The following PRDX6 variants were observed in gnomAD, a reference collection of about 807,000 sequenced individuals.
The protein encoded by PRDX6 is peroxiredoxin-6.
Under a neutral mutation model 20.0 loss-of-function variants are expected in PRDX6, and 13 were observed. The ratio of observed to expected loss-of-function variants is 0.65; its 90% CI spans 0.42 to 1.03. The LOEUF (loss-of-function observed/expected upper bound fraction) is 1.03, where lower values mean the gene tolerates loss of function less well. Ranked by LOEUF, PRDX6 falls within the 50% of genes least tolerant of loss-of-function variation. The probability of loss-of-function intolerance (pLI) is 0.00; values close to 1 mark genes in which losing one functional copy is unlikely to be tolerated. For synonymous variants in PRDX6, 85 were observed against 100.8 expected (o/e 0.84, Z 0.94); for missense variants, 203 against 276.9 (o/e 0.73, Z 1.89).
At chr1:173,485,545 G>A (rs1487423184) in intron 3 of PRDX6, 38 bp downstream of exon 3, 1 of 1,529,318 alleles carries the variant, frequency 6.5e-7, no homozygotes, top group Admixed American at 1.9e-5. Flanking sequence ...TAGCTTAACT[G>A]ATCAGGCTGT....
At position 173,483,695 on chromosome 1, in the gene PRDX6, T is replaced by C. The variant is rs543389010; in HGVS notation, c.253-1666T>C. On this transcript the variant is annotated intron_variant, in intron 2 of 4. Transcript: ENST00000340385. ...GTTTTACTTTCAAGCCTACACACAA[T>C]AGACGTTATTCCAATTTTAAATCCT... Among the ~76,000 whole-genome samples the C allele has an allele frequency of 4.6e-5, 7 of 152,348 alleles. No individual in the cohort carries two copies. In the East Asian group the frequency reaches 1.3e-3, roughly 29 times the overall value.
chr1:173,481,077 T>G (rs1244223347), intron 1 of PRDX6: 1 of 451,496 alleles, frequency 2.2e-6, no homozygotes, highest in Non-Finnish European at 4.0e-6. Flanking sequence ...ACCTTAACAT[T>G]AGTCTTTTTA....
At chr1:173,478,917 T>A (rs1231106151) in intron 1 of PRDX6, among the ~76,000 whole-genome samples, 2 of 152,320 alleles carry the variant, frequency 1.3e-5, no homozygotes, top group East Asian at 3.9e-4. Context: ...GAAAAATACT[T>A]TAGAAATACA....
intron 4 of PRDX6, 27 bp downstream of exon 4, chr1:173,486,428 C>G (rs780114933): frequency 6.3e-7 from 1 of 1,588,660 alleles, no homozygotes; most frequent in South Asian, 1.2e-5. Context: ...AAAGCAGTTT[C>G]TCTACTTGCC....
chr1:173,484,177 T>TATATATTTATATATATAC, intron 2 of PRDX6, among the ~76,000 whole-genome samples: 1 of 103,934 alleles, frequency 9.6e-6, no homozygotes, highest in East Asian at 3.2e-4. Flanking sequence ...TTTATATATA[T>TATATATTTATATATATAC]ACACACACAC....
At chr1:173,478,625 C>T (rs1018540647) in intron 1 of PRDX6, among the ~76,000 whole-genome samples, 5 of 152,032 alleles carry the variant, frequency 3.3e-5, no homozygotes, top group African/African-American at 4.8e-5. Flanking sequence ...ACTAGTGGTC[C>T]CACTACACTG....
At chr1:173,485,592 A>AG (rs1658882825) in intron 3 of PRDX6, 85 bp downstream of exon 3, 2 of 1,227,596 alleles carry the variant, frequency 1.6e-6, no homozygotes, top group African/African-American at 3.1e-5. Context: ...TAGAGGAGAT[A>AG]GGGGAATATC....
chr1:173,487,761 A>G lies in PRDX6; in HGVS notation c.573A>G (p.Pro191=), dbSNP rs371561495. 1.4e-4 allele frequency: 227 copies of G among 1,614,002 alleles called. No individual in the cohort carries two copies. The highest frequency in any genetic ancestry group is 1.8e-4 in the Non-Finnish European group (217 of 1,179,962). ...ATGGGGATAGTGTGATGGTCCTTCC[A>G]ACCATCCCTGAAGAAGAAGCCAAAA... is the stretch of plus-strand genomic sequence containing the variant. The part of the protein sequence containing the change: ...WKDGDSVMVL[P]TIPEEEAKKL... Residue 191 remains proline, a synonymous_variant, in exon 5 of 5, where the codon CCA becomes CCG. Coordinates refer to ENST00000340385, the MANE Select transcript of PRDX6 (RefSeq NM_004905.3).
intron 2 of PRDX6, among the ~76,000 whole-genome samples, chr1:173,482,154 C>G (rs921353112): frequency 6.6e-6 from 1 of 152,166 alleles, no homozygotes; most frequent in Non-Finnish European, 1.5e-5. Flanking sequence ...TCTGATTTAT[C>G]CTCAAACTTG....
intron 2 of PRDX6, among the ~76,000 whole-genome samples, 156 bp from the exon 3 acceptor site, chr1:173,485,205 T>C (rs1428153136): frequency 6.6e-6 from 1 of 152,108 alleles, no homozygotes; most frequent in Non-Finnish European, 1.5e-5. Context: ...GAATGAAGAG[T>C]GTTCATCTAC....
rs1229073257 is a variant in PRDX6 at position 173,477,336 on chromosome 1, C to T, written c.-62C>T. On this transcript the variant is annotated 5_prime_UTR_variant, in exon 1 of 5. Transcript: ENST00000340385. ...TTCCTCCGCGCGCTGGGACAGGCTGCTTCTTCGCCAGAACCAACCGGTTGC... is the reference window on the plus strand; with the variant it reads ...TTCCTCCGCGCGCTGGGACAGGCTGTTTCTTCGCCAGAACCAACCGGTTGC... 56 of 1,294,416 alleles carry T rather than the reference C, an allele frequency of 4.3e-5. No individual in the cohort carries two copies. Among genetic ancestry groups the T allele is most frequent in the African/African-American group, 4.6e-5 (3 of 64,832 alleles). The allele number at this position is 1,294,416 out of a possible 1,614,324, so 80.2% of individuals were successfully genotyped here. A position where few individuals can be genotyped will look rare whatever the true frequency, so the allele number is the denominator to read the frequency against.
chr1:173,477,403 C>T lies in PRDX6; in HGVS notation c.6C>T (p.Pro2=), dbSNP rs762476815. Residue 2 remains proline (P), a synonymous_variant, in exon 1 of 5, where the codon CCC becomes CCT. Coordinates refer to ENST00000340385, the MANE Select transcript of PRDX6 (RefSeq NM_004905.3). M[P]GGLLLGDVAP... Reference sequence around the variant, plus strand: ...GCCCCCTCATCACCGTCGCCATGCCCGGAGGTCTGCTTCTCGGGGACGTGG... The same window carrying T: ...GCCCCCTCATCACCGTCGCCATGCCTGGAGGTCTGCTTCTCGGGGACGTGG... 410 of 1,607,432 alleles carry T rather than the reference C, an allele frequency of 2.6e-4. No individual in the cohort carries two copies. The highest frequency in any genetic ancestry group is 3.3e-4 in the Non-Finnish European group (385 of 1,177,354).
chr1:173,479,580 A>G (rs533352256), intron 1 of PRDX6, among the ~76,000 whole-genome samples: 1 of 152,370 alleles, frequency 6.6e-6, no homozygotes, highest in Admixed American at 6.5e-5. Flanking sequence ...TTCATAGTAC[A>G]TCTTCACTAA....
Position 173,487,983 on chromosome 1 carries a change from C to CCAAT in PRDX6, c.*121_*124dup, listed in dbSNP as rs1460293350. On this transcript the variant is annotated 3_prime_UTR_variant, in exon 5 of 5. Coordinates refer to ENST00000340385, the MANE Select transcript of PRDX6 (RefSeq NM_004905.3). Reference sequence around the variant, plus strand: ...CAGCCAAGGTTTTTAGGTTGCTATACCAATGGCTTATTAAATGAAAATGGC... The same window carrying CCAAT: ...CAGCCAAGGTTTTTAGGTTGCTATACCAATCAATGGCTTATTAAATGAAAATGGC... 1.6e-6 allele frequency: 2 copies of CCAAT among 1,219,108 alleles called. No homozygotes were observed. Among genetic ancestry groups the CCAAT allele is most frequent in the Non-Finnish European group, 2.3e-6 (2 of 879,522 alleles). 75.5% of individuals were successfully genotyped at this position (1,219,108 alleles called of 1,614,324 possible).
At chr1:173,481,707 C>G in intron 2 of PRDX6, 1 of 507,904 alleles carries the variant, frequency 2.0e-6, no homozygotes, top group South Asian at 2.5e-5. Flanking sequence ...CCCAGCTGAT[C>G]ACTGTACCTC....
intron 1 of PRDX6, 196 bp from the exon 2 acceptor site, chr1:173,481,129 GC>G: frequency 1.8e-6 from 1 of 565,292 alleles, no homozygotes; most frequent in Non-Finnish European, 3.1e-6. Context: ...ATTGAATTGG[GC>G]TATAAGCATA....
rs1483173868 is a variant in PRDX6, at chr1:173,487,936, T to G, written c.*73T>G. On this transcript the variant is annotated 3_prime_UTR_variant, in exon 5 of 5. Transcript: ENST00000340385. ...ATTGTGTTTTCCTGCAGCAATTCCA[T>G]AAACACATCCTGGTGTCATCACAGC... 1.3e-6 allele frequency: 2 copies of G among 1,585,986 alleles called. No homozygotes were observed. Among genetic ancestry groups the G allele is most frequent in the Non-Finnish European group, 1.7e-6 (2 of 1,161,928 alleles).
intron 1 of PRDX6, among the ~76,000 whole-genome samples, chr1:173,478,921 A>C (rs928061600): frequency 6.6e-6 from 1 of 152,242 alleles, no homozygotes; most frequent in Non-Finnish European, 1.5e-5. Flanking sequence ...AATACTTTAG[A>C]AATACAGCTT....
At chr1:173,485,059 A>G (rs1360665155) in intron 2 of PRDX6, among the ~76,000 whole-genome samples, 1 of 152,132 alleles carries the variant, frequency 6.6e-6, no homozygotes, top group Non-Finnish European at 1.5e-5. Flanking sequence ...AAATTATTGC[A>G]ATTTTAAAGG....
Sources: allele counts gnomAD v4.1 joint callset (sites outside exome capture counted in the v4.1 genomes callset), GRCh38; gene constraint gnomAD v4.1.1; transcripts MANE v1.5; gene names NCBI Gene and HGNC (gene_info 2026-07-23, HGNC 2026-07-21).